The following NEURL1B variants were observed in gnomAD, a reference collection of about 807,000 sequenced individuals.
NEURL1B encodes neuralized E3 ubiquitin protein ligase 1B, also known as E3 ubiquitin-protein ligase NEURL1B.
Under a neutral mutation model 37.4 loss-of-function variants are expected in NEURL1B, and 13 were observed. The ratio of observed to expected loss-of-function variants is 0.35; its 90% CI spans 0.23 to 0.55. The LOEUF (loss-of-function observed/expected upper bound fraction) is 0.55. Ranked by LOEUF, NEURL1B falls within the 20% of genes least tolerant of loss-of-function variation. The pLI is 0.89. For synonymous variants in NEURL1B, 432 were observed against 426.6 expected, an observed-to-expected ratio of 1.01 and a Z score of -0.16; for missense variants, 790 against 879.2, an observed-to-expected ratio of 0.90 and a Z score of 1.28.
Position 172,657,208 on chromosome 5 carries a change from A to C in NEURL1B, c.32-12577A>C, listed in dbSNP as rs1349583636. Among the ~76,000 whole-genome samples, 1 of 152,110 alleles carries C rather than the reference A, an allele frequency of 6.6e-6. No individual in the cohort carries two copies. Among genetic ancestry groups the C allele is most frequent in the East Asian group, 1.9e-4 (1 of 5,198 alleles). ...CCAGCCCCTTACCCTCTCTGGGCCT[A>C]ATGTCCCTATATGTGAAATGGGCTC... On this transcript the variant is annotated intron_variant, in intron 1 of 4. Transcript: ENST00000369800. The surrounding 1 kb of genome is among the most constrained non-coding windows in gnomAD (Gnocchi z 4.0).
In NEURL1B at chr5:172,683,895, C is replaced by A; in HGVS notation, c.1054C>A (p.Pro352Thr). 1 of 1,415,270 alleles carries A rather than the reference C, an allele frequency of 7.1e-7. No homozygotes were observed. The highest frequency in any genetic ancestry group is 9.3e-7 in the Non-Finnish European group (1 of 1,079,774). The allele number at this position is 1,415,270 out of a possible 1,614,324, so 87.7% of individuals were successfully genotyped here. A position where few individuals can be genotyped will look rare whatever the true frequency, so the allele number is the denominator to read the frequency against. The change falls in exon 3 of 5, where the codon CCC becomes ACC. Residue 352 changes from proline to threonine, a missense_variant. Pro to Thr is a conservative substitution (Grantham distance 38). Around this residue, in one of 3 missense-constraint regions of NEURL1B, gnomAD observed 460 missense variants for 407.4 expected, o/e 1.13. Transcript: ENST00000369800. The surrounding 1 kb of genome is among the most constrained non-coding windows in gnomAD (Gnocchi z 5.6). ...ITSCDPGVLR[P>T]NELPADPDAL... ...GTCGTGCGACCCGGGCGTGCTACGG[C>A]CCAACGAGCTGCCCGCCGACCCAGA...
intron 2 of NEURL1B, among the ~76,000 whole-genome samples, chr5:172,670,740 C>T (rs1356904437): frequency 6.6e-6 from 1 of 152,220 alleles, no homozygotes; most frequent in Non-Finnish European, 1.5e-5. Flanking sequence ...CACATGTATT[C>T]ATTTGCTCAC....
Position 172,690,020 on chromosome 5 carries a change from CT to C in NEURL1B, c.*3096del, listed in dbSNP as rs1274771900. The C allele has an allele frequency of 2.0e-5, 3 of 152,370 alleles. No individual in the cohort carries two copies. Among genetic ancestry groups the C allele is most frequent in the Non-Finnish European group, 4.4e-5 (3 of 68,152 alleles). 9.4% of individuals were successfully genotyped at this position (152,370 alleles called of 1,614,324 possible). On this transcript the variant is annotated 3_prime_UTR_variant, in exon 5 of 5. Coordinates refer to ENST00000369800, the MANE Select transcript of NEURL1B (RefSeq NM_001142651.3). The stretch of plus-strand genomic sequence containing the variant: ...TCCTAGGCCCCGTGATCACCACCCC[CT>C]CAAGCGGGGCCCCAGCCCCCTGAGC...
At chr5:172,656,766 A>G (rs745987661) in intron 1 of NEURL1B, 1 of 740,594 alleles carries the variant, frequency 1.4e-6, no homozygotes. Flanking sequence ...AAGGCAAAGA[A>G]TTGAACACAC....
intron 2 of NEURL1B, among the ~76,000 whole-genome samples, chr5:172,680,544 C>A (rs916677079): frequency 3.3e-5 from 5 of 152,038 alleles, no homozygotes; most frequent in Admixed American, 6.5e-5. Flanking sequence ...GTCTAAAATG[C>A]CTTTTCAAAA....
chr5:172,656,544 C>T, intron 1 of NEURL1B: 3 of 1,610,270 alleles, frequency 1.9e-6, no homozygotes. Context: ...TTTCTTAATT[C>T]CACCTATGGC....
intron 1 of NEURL1B, among the ~76,000 whole-genome samples, chr5:172,658,643 C>T (rs1757838493): frequency 6.6e-6 from 1 of 152,166 alleles, no homozygotes; most frequent in Admixed American, 6.5e-5. Context: ...TTTGTCATAG[C>T]CTTGGGAGCC....
Position 172,657,687 on chromosome 5 carries a change from C to T in NEURL1B, c.32-12098C>T, listed in dbSNP as rs879943760. Among the ~76,000 whole-genome samples the T allele has an allele frequency of 1.4e-4, 22 of 151,986 alleles. No individual in the cohort carries two copies. Among genetic ancestry groups the T allele is most frequent in the Non-Finnish European group, 3.1e-4 (21 of 67,992 alleles). On this transcript the variant is annotated intron_variant, in intron 1 of 4. Coordinates refer to ENST00000369800, the MANE Select transcript of NEURL1B (RefSeq NM_001142651.3). The surrounding 1 kb of genome is among the most constrained non-coding windows in gnomAD (Gnocchi z 4.0). ...TCTGGGAAGGCACCTGTTACTTAGC[C>T]GACCACGAAAGGGAGTCTCCTTTCC...
intron 1 of NEURL1B, among the ~76,000 whole-genome samples, chr5:172,659,785 C>T (rs973149415): frequency 3.3e-5 from 5 of 152,194 alleles, no homozygotes; most frequent in African/African-American, 7.2e-5. Flanking sequence ...TTCCCCAGTG[C>T]TCTCAGCTGA....
intron 1 of NEURL1B, among the ~76,000 whole-genome samples, chr5:172,658,361 C>G (rs1434049395): frequency 6.6e-6 from 1 of 152,196 alleles, no homozygotes; most frequent in Non-Finnish European, 1.5e-5. Context: ...ATGCGGGCTT[C>G]CTGCAGGCAT....
chr5:172,645,831 G>A (rs923869339), intron 1 of NEURL1B, among the ~76,000 whole-genome samples: 2 of 152,144 alleles, frequency 1.3e-5, no homozygotes, highest in Non-Finnish European at 2.9e-5. Flanking sequence ...AAGAGCACAA[G>A]TTACTGCTAC....
intron 1 of NEURL1B, among the ~76,000 whole-genome samples, chr5:172,646,689 G>T (rs1225410832): frequency 6.6e-6 from 1 of 152,212 alleles, no homozygotes; most frequent in Non-Finnish European, 1.5e-5. Flanking sequence ...ACAGTACGCG[G>T]TCGGCAGGGA....
chr5:172,664,349 A>G (rs1329778287), intron 1 of NEURL1B, among the ~76,000 whole-genome samples: 2 of 152,162 alleles, frequency 1.3e-5, no homozygotes, highest in Non-Finnish European at 2.9e-5. Context: ...TTTAAGAATT[A>G]GCTGGTATCA....
chr5:172,657,164 T>C lies in NEURL1B; in HGVS notation c.32-12621T>C, dbSNP rs1025671993. ...AGTCGAATCCTCACCGTGCTGTTTA[T>C]CTGCCTCATGAACTTGTGCCAGCCC... On this transcript the variant is annotated intron_variant, in intron 1 of 4. Transcript: ENST00000369800. The surrounding 1 kb of genome is among the most constrained non-coding windows in gnomAD (Gnocchi z 4.0). 2.0e-5 allele frequency among the ~76,000 whole-genome samples: 3 copies of C among 152,198 alleles called. No individual in the cohort carries two copies. Among genetic ancestry groups the C allele is most frequent in the Non-Finnish European group, 4.4e-5 (3 of 68,024 alleles).
chr5:172,660,962 C>T (rs1315400937), intron 1 of NEURL1B, among the ~76,000 whole-genome samples: 1 of 152,116 alleles, frequency 6.6e-6, no homozygotes, highest in Non-Finnish European at 1.5e-5. Flanking sequence ...CACTTTTAAA[C>T]CCACCAATGG....
intron 3 of NEURL1B, among the ~76,000 whole-genome samples, chr5:172,685,567 T>A (rs1201525312): frequency 6.6e-6 from 1 of 152,160 alleles, no homozygotes; most frequent in African/African-American, 2.4e-5. Flanking sequence ...AAAACCCCAC[T>A]CAAAGTGCCC....
Position 172,655,233 on chromosome 5 carries a change from G to A in NEURL1B, c.31+13796G>A, listed in dbSNP as rs891972628. Among the ~76,000 whole-genome samples the A allele has an allele frequency of 1.3e-4, 19 of 151,818 alleles. No individual in the cohort carries two copies. In the South Asian group the frequency reaches 1.5e-3, roughly 12 times the overall value. On this transcript the variant is annotated intron_variant, in intron 1 of 4. Transcript: ENST00000369800. ...AGGGATGTCTCGCCTTGCCTGTCCC[G>A]GAAGTCTCAACCCCTCAAACCAGGG... is the stretch of plus-strand genomic sequence containing the variant.
chr5:172,642,532 C>T (rs888341271), intron 1 of NEURL1B, among the ~76,000 whole-genome samples: 4 of 152,212 alleles, frequency 2.6e-5, no homozygotes, highest in Non-Finnish European at 5.9e-5. Context: ...GGAAGAGGGA[C>T]ATATCACCCC....
chr5:172,646,687 C>T (rs1389084691), intron 1 of NEURL1B, among the ~76,000 whole-genome samples: 3 of 152,122 alleles, frequency 2.0e-5, no homozygotes, highest in Non-Finnish European at 2.9e-5. Flanking sequence ...TTACAGTACG[C>T]GGTCGGCAGG....
Sources: gnomAD v4.1 joint callset for allele counts (sites outside exome capture counted in the v4.1 genomes callset) on GRCh38, gnomAD v4.1.1 for gene constraint, gnomAD v4.1.1 regional missense constraint, Gnocchi (gnomAD v3.1) non-coding constraint, MANE v1.5 for transcripts, NCBI Gene and HGNC (gene_info 2026-07-23, HGNC 2026-07-21) for gene names.